RAB3IL1: variants seen among roughly 807,000 people sequenced by gnomAD.
RAB3IL1 encodes the protein guanine nucleotide exchange factor for Rab-3A.
Under a neutral mutation model 49.2 loss-of-function variants are expected in RAB3IL1, and 37 were observed. That is an observed-to-expected ratio of 0.75 (90% CI 0.58 to 0.99). RAB3IL1 has a LOEUF of 0.99. Among genes scored for constraint, RAB3IL1 ranks in the 50% least tolerant of loss-of-function variants. RAB3IL1 has a pLI of 0.00. For synonymous variants in RAB3IL1, 193 were observed against 213.9 expected (o/e 0.90, Z 0.85); for missense variants, 484 against 513.0 (o/e 0.94, Z 0.55).
intron 9 of RAB3IL1, 98 bp downstream of exon 9, chr11:61,899,216 T>A: frequency 7.5e-7 from 1 of 1,329,426 alleles, no homozygotes; most frequent in Non-Finnish European, 1.0e-6. Context: ...CCTAGCTGAG[T>A]CTTGCCTCCA....
rs762549633 is a variant in RAB3IL1 at position 61,902,638 on chromosome 11, TG to T, written c.900-98del. 426 of 1,138,476 alleles carry T rather than the reference TG, an allele frequency of 3.7e-4. 1 individual carries two copies. Among genetic ancestry groups the T allele is most frequent in the Non-Finnish European group, 4.2e-4 (331 of 790,602 alleles). The allele number at this position is 1,138,476 out of a possible 1,614,324, so 70.5% of individuals were successfully genotyped here. On this transcript the variant is annotated intron_variant, in intron 7 of 9. Coordinates refer to ENST00000394836, the MANE Select transcript of RAB3IL1 (RefSeq NM_013401.4). ...AAGATGCAGCAGCTGAGAGGATGCA[TG>T]GGGAGGGGCAGGCCTCCCTTCCCCC...
the RAB3IL1 span, among the ~76,000 whole-genome samples, chr11:61,937,112 T>C: frequency 6.6e-6 from 1 of 152,174 alleles, no homozygotes; most frequent in Non-Finnish European, 1.5e-5. Flanking sequence ...TTTTCCCTTA[T>C]ATAATTTAAA....
At chr11:61,915,589 G>T (rs948026892) in intron 1 of RAB3IL1, among the ~76,000 whole-genome samples, 1 of 152,172 alleles carries the variant, frequency 6.6e-6, no homozygotes, top group Non-Finnish European at 1.5e-5. Context: ...GGCAGACGAG[G>T]CTGCTCCCCA....
intron 1 of RAB3IL1, among the ~76,000 whole-genome samples, chr11:61,910,221 G>A (rs7121473): frequency 0.026 from 3,980 of 152,272 alleles, 161 homozygotes; most frequent in African/African-American, 0.087. Flanking sequence ...AGGTGGGTGC[G>A]GAGTGTGAGT....
chr11:61,909,327 G>A (rs1939359034), intron 1 of RAB3IL1, among the ~76,000 whole-genome samples: 1 of 152,066 alleles, frequency 6.6e-6, no homozygotes, highest in African/African-American at 2.4e-5. Context: ...AGGGAGGAGT[G>A]AGAGGCAAGT....
chr11:61,910,602 G>C (rs570744657), intron 1 of RAB3IL1, among the ~76,000 whole-genome samples: 5 of 152,328 alleles, frequency 3.3e-5, no homozygotes, highest in Admixed American at 2.6e-4. Context: ...CCTGGTGCTG[G>C]GTGAATCATG....
chr11:61,933,751 T>G, the RAB3IL1 span, among the ~76,000 whole-genome samples: 4 of 151,906 alleles, frequency 2.6e-5, no homozygotes, highest in African/African-American at 9.7e-5. Flanking sequence ...GTGTGGTGGC[T>G]CACGGCAACA....
At chr11:61,937,621 C>A in the RAB3IL1 span, among the ~76,000 whole-genome samples, 2 of 151,408 alleles carry the variant, frequency 1.3e-5, no homozygotes, top group South Asian at 2.1e-4. Context: ...ATATCCAAGA[C>A]AACCACTAAG....
At chr11:61,911,306 G>A (rs1339965743) in intron 1 of RAB3IL1, among the ~76,000 whole-genome samples, 1 of 152,192 alleles carries the variant, frequency 6.6e-6, no homozygotes, top group African/African-American at 2.4e-5. Context: ...CGCCAAAGGT[G>A]GCAGGAGCAG....
intron 8 of RAB3IL1, among the ~76,000 whole-genome samples, chr11:61,900,284 C>T (rs1938838407): frequency 6.6e-6 from 1 of 152,236 alleles, no homozygotes; most frequent in South Asian, 2.1e-4. Context: ...CCAGGTGAGG[C>T]TCTGCCTCTT....
In RAB3IL1 at chr11:61,908,175, G is replaced by A; in HGVS notation, c.143C>T (p.Ala48Val). The A allele has an allele frequency of 6.4e-7, 1 of 1,556,636 alleles. No individual in the cohort carries two copies. Among genetic ancestry groups the A allele is most frequent in the Non-Finnish European group, 8.7e-7 (1 of 1,152,680 alleles). ...ALVETSAGEE[A>V]QGQEGPAAAQ... ...GGCTGCGGGGCCCTCCTGGCCTTGG[G>A]CCTCCTCCCCTGCAGAGGTCTCCAC... Residue 48 changes from alanine to valine, a missense_variant, in exon 2 of 10, where the codon GCC becomes GTC. Transcript: ENST00000394836.
upstream of RAB3IL1, among the ~76,000 whole-genome samples, chr11:61,921,508 C>A (rs376298201): frequency 1.3e-4 from 20 of 152,172 alleles, no homozygotes; most frequent in African/African-American, 4.1e-4. Flanking sequence ...TTTGTTCATA[C>A]CCCCTCCTCT....
At position 61,908,250 on chromosome 11, in the gene RAB3IL1, C is replaced by T. The variant is rs1471669422; in HGVS notation, c.68G>A (p.Trp23Ter). 9.2e-6 allele frequency: 14 copies of T among 1,528,996 alleles called. No homozygotes were observed. Among genetic ancestry groups the T allele is most frequent in the Non-Finnish European group, 1.2e-5 (14 of 1,136,930 alleles). The allele number at this position is 1,528,996 out of a possible 1,614,324, so 94.7% of individuals were successfully genotyped here. A position where few individuals can be genotyped will look rare whatever the true frequency, so the allele number is the denominator to read the frequency against. Residue 23 changes from tryptophan (W) to a stop codon, truncating the protein, a stop_gained, in exon 2 of 10, where the codon TGG becomes TAG. Transcript: ENST00000394836. LOFTEE classifies it high-confidence loss of function. Reference sequence around the variant, plus strand: ...GCCTTGGCAGGGGTCCGTGCTCTTCCAGGGGACCGGGACAGCTGCAAGGGG... The same window carrying T: ...GCCTTGGCAGGGGTCCGTGCTCTTCTAGGGGACCGGGACAGCTGCAAGGGG... ...PPPLAAVPVP[W>*]KSTDPCQGHR...
intron 1 of RAB3IL1, among the ~76,000 whole-genome samples, chr11:61,909,393 C>A (rs928212289): frequency 1.3e-5 from 2 of 152,204 alleles, no homozygotes; most frequent in Non-Finnish European, 2.9e-5. Context: ...CACCAAGCAG[C>A]CCCTGAGCCT....
At chr11:61,942,328 C>T in the RAB3IL1 span, among the ~76,000 whole-genome samples, 5 of 152,150 alleles carry the variant, frequency 3.3e-5, no homozygotes, top group Admixed American at 6.5e-5. Flanking sequence ...TGTGGAAGGC[C>T]GCAGGGTCCT....
the RAB3IL1 span, among the ~76,000 whole-genome samples, chr11:61,934,319 T>TATATATAC: frequency 7.9e-6 from 1 of 126,526 alleles, no homozygotes; most frequent in Admixed American, 8.2e-5. Flanking sequence ...TGAGTAAATA[T>TATATATAC]ACACACACAC....
chr11:61,946,253 C>G, the RAB3IL1 span, among the ~76,000 whole-genome samples: 1 of 152,196 alleles, frequency 6.6e-6, no homozygotes, highest in African/African-American at 2.4e-5. Flanking sequence ...CCGGGGCCCC[C>G]TGCCTACTGC....
At chr11:61,936,867 A>G in the RAB3IL1 span, among the ~76,000 whole-genome samples, 1 of 152,196 alleles carries the variant, frequency 6.6e-6, no homozygotes, top group African/African-American at 2.4e-5. Context: ...TTCAGAAAAA[A>G]AAGGAGAACT....
At chr11:61,907,736 C>T in intron 2 of RAB3IL1, 76 bp from the exon 3 acceptor site, 3 of 1,333,484 alleles carry the variant, frequency 2.2e-6, no homozygotes, top group Non-Finnish European at 2.1e-6. Context: ...GCCCACCGGA[C>T]CAGGTTCCAT....
Sources: gnomAD v4.1 joint callset for allele counts (sites outside exome capture counted in the v4.1 genomes callset) on GRCh38, gnomAD v4.1.1 for gene constraint, MANE v1.5 for transcripts, NCBI Gene and HGNC (gene_info 2026-07-23, HGNC 2026-07-21) for gene names.